Variants in PTPRT observed in about 807,000 individuals in gnomAD.
PTPRT encodes receptor-type tyrosine-protein phosphatase T.
In PTPRT, 56 loss-of-function variants were observed where a neutral mutation model predicts 176.8. That is an observed-to-expected ratio of 0.32 (90% CI 0.26 to 0.40). PTPRT has a LOEUF of 0.40. PTPRT is among the 10% of genes least tolerant of loss of function. The pLI, the probability that PTPRT is intolerant of heterozygous loss-of-function variation, is 1.00. For missense variants in PTPRT, 1,540 were observed against 1,908.2 expected, an observed-to-expected ratio of 0.81 and a Z score of 3.60; for synonymous variants, 783 against 739.0, an observed-to-expected ratio of 1.06 and a Z score of -0.96.
At chr20:42,813,316 T>C (rs866537929) in intron 2 of PTPRT, among the ~76,000 whole-genome samples, 2 of 152,086 alleles carry the variant, frequency 1.3e-5, no homozygotes, top group Admixed American at 6.6e-5. Flanking sequence ...TGAAATGTTA[T>C]TTTTTTAGGT....
At chr20:42,283,534 A>T (rs2057175926) in intron 12 of PTPRT, among the ~76,000 whole-genome samples, 1 of 152,050 alleles carries the variant, frequency 6.6e-6, no homozygotes, top group African/African-American at 2.4e-5. Context: ...TTTATTTTCC[A>T]TTCAAACTAC....
intron 1 of PTPRT, among the ~76,000 whole-genome samples, chr20:42,891,189 ACAT>A (rs1306090427): frequency 9.2e-5 from 14 of 152,346 alleles, no homozygotes; most frequent in Admixed American, 5.9e-4. Flanking sequence ...AGAGCAGATG[ACAT>A]CATTTAAGTG....
intron 6 of PTPRT, among the ~76,000 whole-genome samples, chr20:42,729,057 A>C (rs1380254323): frequency 6.6e-6 from 1 of 152,118 alleles, no homozygotes; most frequent in Non-Finnish European, 1.5e-5. Context: ...CGAGGAGGTG[A>C]GTTTGTCTTC....
chr20:42,818,239 G>A (rs573169590), intron 2 of PTPRT, among the ~76,000 whole-genome samples: 4 of 151,996 alleles, frequency 2.6e-5, no homozygotes, highest in African/African-American at 9.6e-5. Flanking sequence ...AGATGACTAG[G>A]TCCTAAAGTG....
chr20:42,274,218 A>G (rs946143895), intron 13 of PTPRT, among the ~76,000 whole-genome samples: 2 of 152,310 alleles, frequency 1.3e-5, no homozygotes, highest in East Asian at 3.9e-4. Flanking sequence ...AGGCCATGTA[A>G]GTGGAAGTGG....
intron 7 of PTPRT, among the ~76,000 whole-genome samples, chr20:42,485,414 C>T (rs1232332659): frequency 6.6e-6 from 1 of 152,192 alleles, no homozygotes; most frequent in African/African-American, 2.4e-5. Flanking sequence ...AACATTCTAA[C>T]ACTTTACTTG....
chr20:42,461,093 C>T (rs1402849208), intron 8 of PTPRT, among the ~76,000 whole-genome samples: 4 of 152,214 alleles, frequency 2.6e-5, no homozygotes, highest in East Asian at 1.9e-4. Flanking sequence ...TTTGGGAGGC[C>T]GAGGCCAGTG....
chr20:42,784,726 A>C (rs1354209984), intron 3 of PTPRT, among the ~76,000 whole-genome samples: 1 of 142,812 alleles, frequency 7.0e-6, no homozygotes, highest in East Asian at 1.9e-4. Flanking sequence ...GGGCCTATAT[A>C]GCGATAATAA....
Position 42,116,181 on chromosome 20 carries a change from A to G in PTPRT, c.2983-866T>C. 2 of 700,040 alleles carry G rather than the reference A, an allele frequency of 2.9e-6. 1 individual carries two copies. The highest frequency in any genetic ancestry group is 5.4e-5 in the East Asian group (2 of 37,150). 43.4% of individuals were successfully genotyped at this position (700,040 alleles called of 1,614,324 possible). ...GTCAAATGAGTTTGGGAAATGCTGT[A>G]TTACACAGTTAAATAGGCAGCTTTG... is the stretch of plus-strand genomic sequence containing the variant. On this transcript the variant is annotated intron_variant, in intron 21 of 30. Coordinates refer to ENST00000373187, the MANE Select transcript of PTPRT (RefSeq NM_007050.6).
At chr20:42,345,582 A>ATG (rs56310086) in intron 11 of PTPRT, among the ~76,000 whole-genome samples, 3,951 of 94,610 alleles carry the variant, frequency 0.042, 136 homozygotes, top group Non-Finnish European at 0.049. Context: ...ATACATATAT[A>ATG]TGTGTGTGTG....
At chr20:42,241,515 A>G (rs948187214) in intron 14 of PTPRT, among the ~76,000 whole-genome samples, 3 of 152,076 alleles carry the variant, frequency 2.0e-5, no homozygotes, top group African/African-American at 7.2e-5. Flanking sequence ...GAGGGTGAGG[A>G]GAAAGTCAAA....
At chr20:42,135,489 G>T (rs936233236) in intron 18 of PTPRT, among the ~76,000 whole-genome samples, 4 of 152,174 alleles carry the variant, frequency 2.6e-5, no homozygotes, top group Admixed American at 6.5e-5. Flanking sequence ...ATTTCAATAT[G>T]CCCTCCAGGT....
intron 9 of PTPRT, among the ~76,000 whole-genome samples, chr20:42,382,885 T>A (rs1434395463): frequency 1.3e-5 from 2 of 152,168 alleles, no homozygotes; most frequent in Non-Finnish European, 2.9e-5. Context: ...CTACTACTGA[T>A]AGGATCTCCA....
At chr20:42,357,888 T>C (rs1344637796) in intron 9 of PTPRT, among the ~76,000 whole-genome samples, 2 of 152,082 alleles carry the variant, frequency 1.3e-5, no homozygotes, top group African/African-American at 2.4e-5. Flanking sequence ...CATTCTAGCC[T>C]GGGAAACAGA....
intron 2 of PTPRT, among the ~76,000 whole-genome samples, chr20:42,804,329 C>A (rs558876111): frequency 2.6e-5 from 4 of 152,122 alleles, no homozygotes; most frequent in African/African-American, 9.7e-5. Flanking sequence ...TTTGGACTAT[C>A]CCCCTTGACC....
chr20:42,626,411 G>T (rs1483814451), intron 7 of PTPRT, among the ~76,000 whole-genome samples: 1 of 152,112 alleles, frequency 6.6e-6, no homozygotes, highest in Admixed American at 6.5e-5. Flanking sequence ...AGAACCCACT[G>T]GCCACAGGAT....
chr20:42,169,779 C>T (rs1214811077), intron 16 of PTPRT, among the ~76,000 whole-genome samples: 1 of 145,750 alleles, frequency 6.9e-6, no homozygotes, highest in East Asian at 2.0e-4. Context: ...CACACACACA[C>T]ACACACACAC....
intron 1 of PTPRT, among the ~76,000 whole-genome samples, chr20:42,901,123 A>G (rs887370431): frequency 9.2e-5 from 14 of 152,106 alleles, no homozygotes; most frequent in Non-Finnish European, 1.8e-4. Flanking sequence ...TTGATCACCA[A>G]TAAATAGTCT....
intron 16 of PTPRT, 55 bp from the exon 17 acceptor site, chr20:42,161,597 T>C (rs1321578362): frequency 6.6e-7 from 1 of 1,524,590 alleles, no homozygotes; most frequent in Non-Finnish European, 8.8e-7. Flanking sequence ...TTGCCCTTTG[T>C]CCTCCCTGTC....
Sources: gnomAD v4.1 joint callset for allele counts (sites outside exome capture counted in the v4.1 genomes callset) on GRCh38, gnomAD v4.1.1 for gene constraint, MANE v1.5 for transcripts, NCBI Gene and HGNC (gene_info 2026-07-23, HGNC 2026-07-21) for gene names.